Variants in RNF123 observed in about 807,000 individuals in gnomAD.
The protein encoded by RNF123 is E3 ubiquitin-protein ligase RNF123.
RNF123 carries 86 observed loss-of-function variants against 168.5 expected under a neutral mutation model. That is an observed-to-expected ratio of 0.51 (90% CI 0.43 to 0.61). RNF123 has a LOEUF of 0.61. Among genes scored for constraint, RNF123 ranks in the 20% least tolerant of loss-of-function variants. The pLI, the probability that RNF123 is intolerant of heterozygous loss-of-function variation, is 0.00. For synonymous variants in RNF123, 666 were observed against 689.1 expected (o/e 0.97, Z 0.52); for missense variants, 1,419 against 1,729.7 (o/e 0.82, Z 3.19).
chr3:49,713,934 C>T lies in RNF123; in HGVS notation c.2862C>T (p.Leu954=). The T allele has an allele frequency of 6.2e-7, 1 of 1,613,966 alleles. No homozygotes were observed. ...EEQRIAMVRN[L]LAPYEQRPWA... ...GGCGTATCGCCATGGTGAGGAACCT[C>T]CTGGCGCCCTATGAGCAGCGGCCCT... Residue 954 remains leucine, a synonymous_variant, in exon 30 of 39, where the codon CTC becomes CTT. Coordinates refer to ENST00000327697, the MANE Select transcript of RNF123 (RefSeq NM_022064.5).
At position 49,704,798 on chromosome 3, in the gene RNF123, A is replaced by T. The variant is rs765420229; in HGVS notation, c.1959+42A>T. 5.9e-6 allele frequency: 9 copies of T among 1,520,610 alleles called. No homozygotes were observed. The African/African-American group carries it at 1.2e-4, about 21-fold the overall frequency. 94.2% of individuals were successfully genotyped at this position (1,520,610 alleles called of 1,614,324 possible). A position where few individuals can be genotyped will look rare whatever the true frequency, so the allele number is the denominator to read the frequency against. ...AGGCGGTGGGATTTGTGTTGGGCTTATCCTGTATCTTATGGGCAGGGGTCT... is the reference window on the plus strand; with the variant it reads ...AGGCGGTGGGATTTGTGTTGGGCTTTTCCTGTATCTTATGGGCAGGGGTCT... On this transcript the variant is annotated intron_variant, in intron 22 of 38. Coordinates refer to ENST00000327697, the MANE Select transcript of RNF123 (RefSeq NM_022064.5).
chr3:49,720,533 C>G lies in RNF123; in HGVS notation c.3523C>G (p.Leu1175Val), dbSNP rs1254739363. The change falls in exon 36 of 39, where the codon CTC becomes GTC. Residue 1175 changes from leucine to valine, a missense_variant. By Grantham distance (32) the Leu-to-Val change is conservative. This residue lies in a region of RNF123 where 164 missense variants were observed against 152.3 expected (regional missense o/e 1.08). Coordinates refer to ENST00000327697, the MANE Select transcript of RNF123 (RefSeq NM_022064.5). ...TAGGAGAGAGCAAGCCACATCAGTG[C>G]TCCTGGCAGATCCCTGCTTCCAGCT... ...ASEREQATSV[L>V]LADPCFQLRS... is the part of the protein sequence containing the mutation. 1 of 1,603,360 alleles carries G rather than the reference C, an allele frequency of 6.2e-7. No homozygotes were observed. Among genetic ancestry groups the G allele is most frequent in the East Asian group, 2.2e-5 (1 of 44,780 alleles).
intron 27 of RNF123, chr3:49,713,272 G>A: frequency 6.7e-6 from 4 of 596,022 alleles, no homozygotes; most frequent in South Asian, 2.0e-5. Context: ...GCTGAGATGG[G>A]TTTGAGCCCA....
chr3:49,710,567 A>G (rs1575534808), intron 26 of RNF123, among the ~76,000 whole-genome samples: 1 of 152,236 alleles, frequency 6.6e-6, no homozygotes, highest in African/African-American at 2.4e-5. Flanking sequence ...GGCTTCAGCA[A>G]CCGCGCCTGG....
chr3:49,718,251 TGGG>T, intron 35 of RNF123: 5 of 1,608,370 alleles, frequency 3.1e-6, no homozygotes, highest in Non-Finnish European at 4.2e-6. Flanking sequence ...AGCGGCAGGG[TGGG>T]GCGAACAGGT....
At position 49,699,024 on chromosome 3, in the gene RNF123, G is replaced by T. The variant is rs1326776987; in HGVS notation, c.683G>T (p.Gly228Val). ...ACTGCCTTTGAGAACCTGTCCAGGGGCCTGGGTATGGCCTACTTCCCAGCC... is the reference window on the plus strand; with the variant it reads ...ACTGCCTTTGAGAACCTGTCCAGGGTCCTGGGTATGGCCTACTTCCCAGCC... The part of the protein sequence containing the change: ...LGTAFENLSR[G>V]LGMAYFPAIS... Residue 228 changes from glycine (G) to valine (V), a missense_variant, in exon 10 of 39, where the codon GGC (glycine) becomes GTC (valine). Physicochemically the swap from Gly to Val is moderately radical, Grantham distance 109 (BLOSUM62 -3). Coordinates refer to ENST00000327697, the MANE Select transcript of RNF123 (RefSeq NM_022064.5). The surrounding 1 kb of genome is among the most constrained non-coding windows in gnomAD (Gnocchi z 4.8). The T allele has an allele frequency of 6.2e-7, 1 of 1,614,018 alleles. No individual in the cohort carries two copies. Among genetic ancestry groups the T allele is most frequent in the East Asian group, 2.2e-5 (1 of 44,892 alleles).
intron 35 of RNF123, chr3:49,718,253 G>C: frequency 6.2e-7 from 1 of 1,612,316 alleles, no homozygotes; most frequent in African/African-American, 1.3e-5. Flanking sequence ...CGGCAGGGTG[G>C]GGCGAACAGG....
chr3:49,704,692 A>C lies in RNF123; in HGVS notation c.1895A>C (p.Glu632Ala). 6.2e-7 allele frequency: 1 copy of C among 1,607,880 alleles called. No homozygotes were observed. The highest frequency in any genetic ancestry group is 8.5e-7 in the Non-Finnish European group (1 of 1,177,154). The change falls in exon 22 of 39, where the codon GAG becomes GCG. Residue 632 changes from glutamate to alanine, a missense_variant. Physicochemically the swap from Glu to Ala is moderately radical, Grantham distance 107. Transcript: ENST00000327697. ...GCCAACATTGTGATCGACCCACTGG[A>C]GCTCCAGTCAACCGCCATGGATGAC... The part of the protein sequence containing the change: ...SKANIVIDPL[E>A]LQSTAMDDLD...
chr3:49,713,748 C>G lies in RNF123; in HGVS notation c.2760C>G (p.Asp920Glu). 4.4e-6 allele frequency: 7 copies of G among 1,603,742 alleles called. No individual in the cohort carries two copies. The highest frequency in any genetic ancestry group is 6.0e-6 in the Non-Finnish European group (7 of 1,175,496). Residue 920 changes from aspartate to glutamate, a missense_variant, in exon 29 of 39, where the codon GAC becomes GAG. Around this residue, in one of 5 missense-constraint regions of RNF123, gnomAD observed 538 missense variants for 708.8 expected, o/e 0.76. Transcript: ENST00000327697. Reference sequence around the variant, plus strand: ...GGTGTGTCCCCGCAGACATCCGAGACTCACTGATGCAGGCCCTGGCCAGCT... The same window carrying G: ...GGTGTGTCCCCGCAGACATCCGAGAGTCACTGATGCAGGCCCTGGCCAGCT... ...DARIVGTDIRDSLMQALASYV... is the reference protein window; with the variant it reads ...DARIVGTDIRESLMQALASYV...
Position 49,691,199 on chromosome 3 carries a change from C to T in RNF123, c.34C>T (p.Arg12Cys), listed in dbSNP as rs753973457. The T allele has an allele frequency of 9.3e-6, 15 of 1,613,842 alleles. No individual in the cohort carries two copies. The highest frequency in any genetic ancestry group is 3.3e-4 in the Middle Eastern group (2 of 6,066). The change falls in exon 2 of 39, where the codon CGC becomes TGC. Residue 12 changes from arginine (R) to cysteine (C), a missense_variant. Arg to Cys is a radical substitution (Grantham distance 180, BLOSUM62 -3). Around this residue, in one of 5 missense-constraint regions of RNF123, gnomAD observed 318 missense variants for 446.6 expected, o/e 0.71. Coordinates refer to ENST00000327697, the MANE Select transcript of RNF123 (RefSeq NM_022064.5). ...CAAGGGGGCCGGCATGTCTTTCTCC[C>T]GCAAGAGCTATAGGCTGACCTCAGA... ...ASKGAGMSFS[R>C]KSYRLTSDAE...
chr3:49,714,699 G>A (rs1184096001), intron 31 of RNF123, among the ~76,000 whole-genome samples: 1 of 152,230 alleles, frequency 6.6e-6, no homozygotes, highest in Non-Finnish European at 1.5e-5. Flanking sequence ...GGGACATTTA[G>A]TTGGGAGCAG....
Position 49,702,405 on chromosome 3 carries a change from G to A in RNF123, c.1629G>A (p.Gly543=), listed in dbSNP as rs773666582. Residue 543 remains glycine, a splice_region_variant and synonymous_variant, in exon 19 of 39, where the codon GGG becomes GGA. Coordinates refer to ENST00000327697, the MANE Select transcript of RNF123 (RefSeq NM_022064.5). The part of the protein sequence containing the change: ...KFLQENASGR[G]NMPMLCPPEY... The stretch of plus-strand genomic sequence containing the variant: ...TGCAGGAGAACGCCAGTGGCCGGGG[G>A]GTAGGTGTCCTCCAGGCCAGCCCAC... 2 of 1,614,124 alleles carry A rather than the reference G, an allele frequency of 1.2e-6. No individual in the cohort carries two copies. The highest frequency in any genetic ancestry group is 1.1e-5 in the South Asian group (1 of 91,084).
intron 22 of RNF123, 21 bp from the exon 23 acceptor site, chr3:49,704,962 TG>T (rs765993200): frequency 6.3e-7 from 1 of 1,583,664 alleles, no homozygotes; most frequent in Non-Finnish European, 8.6e-7. Flanking sequence ...GCCCTGGTCC[TG>T]GCCGCCTTTC....
At chr3:49,702,951 G>A (rs1057258526) in intron 20 of RNF123, among the ~76,000 whole-genome samples, 198 bp downstream of exon 20, 4 of 152,196 alleles carry the variant, frequency 2.6e-5, no homozygotes, top group African/African-American at 9.7e-5. Context: ...CAGGCCTGCC[G>A]ATCCTGTGTT....
At chr3:49,704,398 T>G (rs567314931) in intron 21 of RNF123, among the ~76,000 whole-genome samples, 5 of 152,100 alleles carry the variant, frequency 3.3e-5, no homozygotes, top group African/African-American at 1.2e-4. Flanking sequence ...GAAAGTCAAT[T>G]TGAAAATAAA....
chr3:49,720,975 G>A (rs376897957), intron 37 of RNF123, 45 bp from the exon 38 acceptor site: 35 of 1,608,004 alleles, frequency 2.2e-5, no homozygotes, highest in Non-Finnish European at 2.9e-5. Flanking sequence ...CATCCACATA[G>A]CCAGGCATCC....
In RNF123 at chr3:49,716,123, C is replaced by T. The variant is rs760918135; in HGVS notation, c.3361C>T (p.Arg1121Trp). 2 of 1,613,666 alleles carry T rather than the reference C, an allele frequency of 1.2e-6. No individual in the cohort carries two copies. The highest frequency in any genetic ancestry group is 1.1e-5 in the South Asian group (1 of 91,038). ...LAQLLNQVLN[R>W]VTAERNLFDR... Reference sequence around the variant, plus strand: ...ACAGCTGCTAAACCAGGTGCTGAACCGGGTGACAGCTGAGAGGAACCTGTT... The same window carrying T: ...ACAGCTGCTAAACCAGGTGCTGAACTGGGTGACAGCTGAGAGGAACCTGTT... Residue 1121 changes from arginine (R) to tryptophan (W), a missense_variant, in exon 34 of 39, where the codon CGG becomes TGG. By Grantham distance (101) the Arg-to-Trp change is moderately radical. Transcript: ENST00000327697.
intron 3 of RNF123, among the ~76,000 whole-genome samples, chr3:49,696,009 C>T (rs1439531980): frequency 6.6e-6 from 1 of 152,092 alleles, no homozygotes; most frequent in Non-Finnish European, 1.5e-5. Flanking sequence ...ACAGAGCCAT[C>T]CAGCAGCTCA....
At chr3:49,719,012 C>G (rs771566546) in intron 35 of RNF123, 1 of 1,613,762 alleles carries the variant, frequency 6.2e-7, no homozygotes, top group Admixed American at 1.7e-5. Flanking sequence ...CCGTGGAAGG[C>G]ATGCTCGTCC....
Sources: gnomAD v4.1 joint callset for allele counts (sites outside exome capture counted in the v4.1 genomes callset) on GRCh38, gnomAD v4.1.1 for gene constraint, gnomAD v4.1.1 regional missense constraint, Gnocchi (gnomAD v3.1) non-coding constraint, MANE v1.5 for transcripts, NCBI Gene and HGNC (gene_info 2026-07-23, HGNC 2026-07-21) for gene names.